Variants in ESRRG observed in about 807,000 individuals in gnomAD.
ESRRG encodes the protein estrogen-related receptor gamma.
Under a neutral mutation model 44.0 loss-of-function variants are expected in ESRRG, and 13 were observed. That is an observed-to-expected ratio of 0.30 (90% CI 0.19 to 0.47). ESRRG has a LOEUF of 0.47. Among genes scored for constraint, ESRRG ranks in the 20% least tolerant of loss-of-function variants. The pLI is 1.00. For synonymous variants in ESRRG, 215 were observed against 214.6 expected (o/e 1.00, Z -0.02); for missense variants, 395 against 580.6 (o/e 0.68, Z 3.29).
chr1:217,004,042 C>T (rs189969609), intron 1 of ESRRG, among the ~76,000 whole-genome samples: 34 of 152,058 alleles, frequency 2.2e-4, no homozygotes, highest in South Asian at 8.3e-4. Context: ...TAAAGGGGAG[C>T]GAGAAGTTAC....
At chr1:216,775,460 T>C (rs2093567249) in intron 2 of ESRRG, among the ~76,000 whole-genome samples, 1 of 151,442 alleles carries the variant, frequency 6.6e-6, no homozygotes, top group Admixed American at 6.6e-5. Context: ...CCTTTTCCTG[T>C]GTTTCTCATG....
chr1:216,753,021 C>G (rs904872953), intron 2 of ESRRG, among the ~76,000 whole-genome samples: 3 of 151,942 alleles, frequency 2.0e-5, no homozygotes, highest in Non-Finnish European at 2.9e-5. Flanking sequence ...TGCAGAACCA[C>G]CAGTAAGTTT....
intron 2 of ESRRG, among the ~76,000 whole-genome samples, chr1:216,866,785 C>A (rs2096171661): frequency 6.6e-6 from 1 of 151,994 alleles, no homozygotes; most frequent in Non-Finnish European, 1.5e-5. Context: ...ATTTCTTCCT[C>A]CACGTGGCCT....
chr1:216,734,904 C>CTTTTTTT (rs11309409), intron 2 of ESRRG, among the ~76,000 whole-genome samples: 127 of 100,340 alleles, frequency 1.3e-3, no homozygotes, highest in Non-Finnish European at 1.9e-3. Context: ...GTTCCATATT[C>CTTTTTTT]TTTTTTTTTT....
chr1:216,829,635 A>T (rs1362394020), intron 2 of ESRRG, among the ~76,000 whole-genome samples: 1 of 150,904 alleles, frequency 6.6e-6, no homozygotes, highest in Non-Finnish European at 1.5e-5. Flanking sequence ...GCTCACTCCA[A>T]CCTCCGCCTC....
At chr1:216,765,225 C>T (rs1371692773) in intron 2 of ESRRG, among the ~76,000 whole-genome samples, 1 of 151,928 alleles carries the variant, frequency 6.6e-6, no homozygotes, top group Admixed American at 6.6e-5. Flanking sequence ...GGGCTGGAGG[C>T]AGGAAGGGAG....
At chr1:216,761,185 C>T (rs193298048) in intron 2 of ESRRG, among the ~76,000 whole-genome samples, 11 of 151,614 alleles carry the variant, frequency 7.3e-5, no homozygotes, top group Non-Finnish European at 1.6e-4. Flanking sequence ...TTTTCTTGTT[C>T]TAGAAATAAG....
At chr1:216,734,904 CTTTTT>C (rs11309409) in intron 2 of ESRRG, among the ~76,000 whole-genome samples, 1,955 of 100,398 alleles carry the variant, frequency 0.019, 12 homozygotes, top group Middle Eastern at 0.045. Context: ...GTTCCATATT[CTTTTT>C]TTTTTTTTTT....
At chr1:216,604,922 T>C (rs1347221398) in intron 3 of ESRRG, among the ~76,000 whole-genome samples, 1 of 152,194 alleles carries the variant, frequency 6.6e-6, no homozygotes, top group Non-Finnish European at 1.5e-5. Context: ...TTGAAATATA[T>C]TGAAACTCTA....
intron 2 of ESRRG, among the ~76,000 whole-genome samples, chr1:216,900,753 G>C (rs1024591927): frequency 1.3e-5 from 2 of 152,122 alleles, no homozygotes; most frequent in Non-Finnish European, 2.9e-5. Context: ...GTTACACTAA[G>C]GGCTCACAGG....
At chr1:216,742,582 C>G (rs1246179156) in intron 2 of ESRRG, among the ~76,000 whole-genome samples, 1 of 151,760 alleles carries the variant, frequency 6.6e-6, no homozygotes, top group African/African-American at 2.4e-5. Flanking sequence ...CCATCCGACC[C>G]TTTCATACAG....
chr1:216,642,797 G>C (rs913153053), intron 3 of ESRRG, among the ~76,000 whole-genome samples: 1 of 151,636 alleles, frequency 6.6e-6, no homozygotes, highest in African/African-American at 2.4e-5. Context: ...TAGACTTGAG[G>C]AAAAAAAATC....
intron 2 of ESRRG, among the ~76,000 whole-genome samples, chr1:216,653,259 A>G (rs2069479516): frequency 6.6e-6 from 1 of 152,170 alleles, no homozygotes; most frequent in Non-Finnish European, 1.5e-5. Context: ...TCACACCTGG[A>G]CTATGGCAGT....
intron 2 of ESRRG, among the ~76,000 whole-genome samples, chr1:216,770,595 A>G (rs1054883981): frequency 1.3e-5 from 2 of 152,150 alleles, no homozygotes; most frequent in African/African-American, 4.8e-5. Context: ...AATTGAAAGA[A>G]AAAAGGAGTA....
intron 3 of ESRRG, among the ~76,000 whole-genome samples, chr1:216,596,932 G>T (rs536022129): frequency 1.9e-3 from 281 of 151,710 alleles, no homozygotes; most frequent in African/African-American, 6.6e-3. Flanking sequence ...TATATATTGG[G>T]TTTTTTTGGC....
At chr1:217,001,122 A>G (rs1463161830) in intron 1 of ESRRG, among the ~76,000 whole-genome samples, 2 of 152,262 alleles carry the variant, frequency 1.3e-5, no homozygotes, top group East Asian at 1.9e-4. Flanking sequence ...TAATGTCTAC[A>G]GAAATGGTTC....
chr1:217,043,655 A>ATT (rs34911946), intron 1 of ESRRG, among the ~76,000 whole-genome samples: 3 of 152,082 alleles, frequency 2.0e-5, no homozygotes, highest in Middle Eastern at 3.4e-3. Flanking sequence ...AATAATGGGG[A>ATT]TTTTTTTGCA....
intron 2 of ESRRG, among the ~76,000 whole-genome samples, chr1:216,899,765 G>T (rs1290550495): frequency 6.6e-6 from 1 of 152,172 alleles, no homozygotes; most frequent in African/African-American, 2.4e-5. Flanking sequence ...TATGAGGGAA[G>T]ACAGGGAATG....
At chr1:216,866,139 T>C (rs1322343278) in intron 2 of ESRRG, among the ~76,000 whole-genome samples, 1 of 152,184 alleles carries the variant, frequency 6.6e-6, no homozygotes, top group Non-Finnish European at 1.5e-5. Flanking sequence ...GCAGCAAATA[T>C]CATGTCTCCC....
Sources: gnomAD v4.1 joint callset for allele counts (sites outside exome capture counted in the v4.1 genomes callset) on GRCh38, gnomAD v4.1.1 for gene constraint, MANE v1.5 for transcripts, NCBI Gene and HGNC (gene_info 2026-07-23, HGNC 2026-07-21) for gene names.